CD4: variants seen among roughly 807,000 people sequenced by gnomAD.
The protein encoded by CD4 is CD4 molecule.
Under a neutral mutation model 50.5 loss-of-function variants are expected in CD4, and 25 were observed. The ratio of observed to expected loss-of-function variants is 0.49; its 90% CI spans 0.36 to 0.69. The LOEUF (loss-of-function observed/expected upper bound fraction) is 0.69, where lower values mean the gene tolerates loss of function less well. Among genes scored for constraint, CD4 ranks in the 30% least tolerant of loss-of-function variants. The pLI is 0.00. For missense variants in CD4, 456 were observed against 548.5 expected, an observed-to-expected ratio of 0.83 and a Z score of 1.68; for synonymous variants, 207 against 221.9, an observed-to-expected ratio of 0.93 and a Z score of 0.60.
intron 3 of CD4, among the ~76,000 whole-genome samples, chr12:6,803,684 C>T (rs1330223633): frequency 1.3e-5 from 2 of 151,494 alleles, no homozygotes; most frequent in African/African-American, 4.8e-5. Flanking sequence ...ATCCAGGAGG[C>T]TGAGGCAGGA....
chr12:6,795,032 C>A (rs541951737), intron 1 of CD4, among the ~76,000 whole-genome samples: 8 of 149,628 alleles, frequency 5.3e-5, no homozygotes, highest in Non-Finnish European at 1.2e-4. Context: ...GTGATCTACC[C>A]GCCTAAGCCT....
chr12:6,809,136 G>GT (rs1399679558), intron 3 of CD4, among the ~76,000 whole-genome samples: 1 of 152,016 alleles, frequency 6.6e-6, no homozygotes, highest in African/African-American at 2.4e-5. Context: ...ACAGAGTCAT[G>GT]TTTTTTTCTC....
In CD4 at chr12:6,793,758, G is replaced by A. The variant is rs145229318; in HGVS notation, c.-68+4096G>A. 6.2e-3 allele frequency among the ~76,000 whole-genome samples: 897 copies of A among 144,726 alleles called. 10 individuals are homozygous for A. Among genetic ancestry groups the A allele is most frequent in the Middle Eastern group, 0.028 (7 of 248 alleles). 94.9% of individuals were successfully genotyped at this position (144,726 alleles called of 152,430 possible). A position where few individuals can be genotyped will look rare whatever the true frequency, so the allele number is the denominator to read the frequency against. The stretch of plus-strand genomic sequence containing the variant: ...CTGTCGCCCAGGCTGTAGTGCAGTG[G>A]CACTACAAGTAATCCCAAGTAGCTG... On this transcript the variant is annotated intron_variant, in intron 1 of 9. Coordinates refer to ENST00000011653, the MANE Select transcript of CD4 (RefSeq NM_000616.5).
chr12:6,801,125 C>T (rs1447568289), intron 3 of CD4, among the ~76,000 whole-genome samples: 2 of 150,102 alleles, frequency 1.3e-5, no homozygotes, highest in African/African-American at 4.9e-5. Flanking sequence ...AGGCTGGTCT[C>T]GAACTCATGA....
rs781953886 is a variant in CD4 at position 6,817,118 on chromosome 12, G to T, written c.956-12G>T. The T allele has an allele frequency of 2.5e-6, 4 of 1,611,028 alleles. No individual in the cohort carries two copies. In the South Asian group the frequency reaches 3.3e-5, roughly 13 times the overall value. On this transcript the variant is annotated splice_polypyrimidine_tract_variant and intron_variant, in intron 6 of 9. Transcript: ENST00000011653. ...CTCAGGCCTTTGATCTCAGCCTCTC[G>T]TTCCTCTGCAGCCACTCAGCTCCAG...
intron 3 of CD4, among the ~76,000 whole-genome samples, chr12:6,803,795 TA>T (rs1200938059): frequency 7.0e-6 from 1 of 142,620 alleles, no homozygotes; most frequent in African/African-American, 2.6e-5. Flanking sequence ...AAAAAATAAA[TA>T]AATAAATAAA....
At chr12:6,791,776 G>A (rs942288537) in intron 1 of CD4, among the ~76,000 whole-genome samples, 2 of 152,156 alleles carry the variant, frequency 1.3e-5, no homozygotes, top group African/African-American at 4.8e-5. Context: ...CAGCTACTTG[G>A]GAAGCTGAGG....
At chr12:6,799,956 C>T (rs189384915) in intron 1 of CD4, 116 bp from the exon 2 acceptor site, 2 of 607,152 alleles carry the variant, frequency 3.3e-6, no homozygotes, top group South Asian at 3.9e-5. Context: ...CTGCTATTCT[C>T]CTGCCTCAAG....
intron 1 of CD4, among the ~76,000 whole-genome samples, chr12:6,793,701 TA>T (rs776508487): frequency 0.029 from 1,076 of 36,768 alleles, 8 homozygotes; most frequent in East Asian, 0.093. Flanking sequence ...TCTATCTATC[TA>T]TCTTTTTTTT....
chr12:6,791,403 C>T (rs993938434), intron 1 of CD4, among the ~76,000 whole-genome samples: 8 of 152,140 alleles, frequency 5.3e-5, no homozygotes, highest in African/African-American at 9.7e-5. Context: ...ACACCACGCC[C>T]GGCTACTTTT....
chr12:6,795,434 C>T (rs112546529), intron 1 of CD4, among the ~76,000 whole-genome samples: 3 of 152,164 alleles, frequency 2.0e-5, no homozygotes. Context: ...TTCTCCTAAA[C>T]CACCGTAAGA....
intron 1 of CD4, among the ~76,000 whole-genome samples, chr12:6,798,076 G>T (rs1019345161): frequency 6.6e-5 from 10 of 152,100 alleles, no homozygotes; most frequent in Non-Finnish European, 2.9e-5. Flanking sequence ...TCGGGCAGGG[G>T]TTCCTGCGGC....
At chr12:6,817,773 T>C (rs1304092558) in intron 7 of CD4, among the ~76,000 whole-genome samples, 1 of 133,428 alleles carries the variant, frequency 7.5e-6, no homozygotes, top group Non-Finnish European at 1.5e-5. Context: ...TACACACACA[T>C]CCACACTCAC....
At chr12:6,807,459 A>G (rs1264700998) in intron 3 of CD4, among the ~76,000 whole-genome samples, 2 of 152,174 alleles carry the variant, frequency 1.3e-5, no homozygotes, top group African/African-American at 4.8e-5. Context: ...AAAAAAGCCA[A>G]TCTCAAAAGG....
intron 3 of CD4, 73 bp from the exon 4 acceptor site, chr12:6,814,069 T>C: frequency 7.6e-7 from 1 of 1,309,054 alleles, no homozygotes; most frequent in Non-Finnish European, 1.1e-6. Flanking sequence ...AGAAGAGCCG[T>C]GGGCATTCTC....
chr12:6,801,718 G>A lies in CD4; in HGVS notation c.214+1247G>A, dbSNP rs541453733. Among the ~76,000 whole-genome samples, 109 of 150,534 alleles carry A rather than the reference G, an allele frequency of 7.2e-4. 3 individuals are homozygous for A. In the South Asian group the frequency reaches 0.022, roughly 31 times the overall value. On this transcript the variant is annotated intron_variant, in intron 3 of 9. Coordinates refer to ENST00000011653, the MANE Select transcript of CD4 (RefSeq NM_000616.5). ...TGGGACTACAGGCGTATGCCACCAT[G>A]CCTGGCTAATTTTTTGTACTTTTAG...
Position 6,820,240 on chromosome 12 carries a change from T to C in CD4, c.*911T>C, listed in dbSNP as rs1943232712. On this transcript the variant is annotated 3_prime_UTR_variant, in exon 10 of 10. Transcript: ENST00000011653. ...CATGGGAAGGGTCCATCTCAGAGAATTTACGAGCAGGGATGAAGGCCTCCC... is the reference window on the plus strand; with the variant it reads ...CATGGGAAGGGTCCATCTCAGAGAACTTACGAGCAGGGATGAAGGCCTCCC... The C allele has an allele frequency of 6.6e-6, 1 of 152,202 alleles. No homozygotes were observed. The highest frequency in any genetic ancestry group is 2.1e-4 in the South Asian group (1 of 4,826). 9.4% of individuals were successfully genotyped at this position (152,202 alleles called of 1,614,324 possible).
chr12:6,807,938 G>A (rs994725806), intron 3 of CD4, among the ~76,000 whole-genome samples: 1 of 151,946 alleles, frequency 6.6e-6, no homozygotes, highest in African/African-American at 2.4e-5. Flanking sequence ...AAATTAGCTG[G>A]GCGTGGTGGC....
chr12:6,815,375 T>G (rs781916439), intron 5 of CD4, among the ~76,000 whole-genome samples: 1 of 152,280 alleles, frequency 6.6e-6, no homozygotes, highest in Admixed American at 6.5e-5. Flanking sequence ...AAGCCAACCC[T>G]GATGATGTTC....
Sources: gnomAD v4.1 joint callset for allele counts (sites outside exome capture counted in the v4.1 genomes callset) on GRCh38, gnomAD v4.1.1 for gene constraint, MANE v1.5 for transcripts, NCBI Gene and HGNC (gene_info 2026-07-23, HGNC 2026-07-21) for gene names.